ARHGEF3: variants seen among roughly 807,000 people sequenced by gnomAD.
The protein encoded by ARHGEF3 is Rho guanine nucleotide exchange factor 3.
Under a neutral mutation model 63.2 loss-of-function variants are expected in ARHGEF3, and 28 were observed. The ratio of observed to expected loss-of-function variants is 0.44; its 90% CI spans 0.33 to 0.61. The LOEUF (loss-of-function observed/expected upper bound fraction) is 0.61. Ranked by LOEUF, ARHGEF3 falls within the 20% of genes least tolerant of loss-of-function variation. The pLI, the probability that ARHGEF3 is intolerant of heterozygous loss-of-function variation, is 0.03. For missense variants in ARHGEF3, 533 were observed against 659.3 expected, an observed-to-expected ratio of 0.81 and a Z score of 2.10; for synonymous variants, 266 against 254.2, an observed-to-expected ratio of 1.05 and a Z score of -0.44.
intron 4 of ARHGEF3, among the ~76,000 whole-genome samples, chr3:56,834,256 G>A (rs951148742): frequency 2.0e-5 from 3 of 152,038 alleles, no homozygotes; most frequent in Non-Finnish European, 2.9e-5. Context: ...TTAATGTTAC[G>A]TGAATTTTAC....
chr3:56,972,659 G>A (rs567865207), intron 2 of ARHGEF3, among the ~76,000 whole-genome samples: 4 of 152,104 alleles, frequency 2.6e-5, no homozygotes, highest in East Asian at 3.9e-4. Context: ...CCTGGGGCAC[G>A]GCTGAGGGGC....
intron 2 of ARHGEF3, among the ~76,000 whole-genome samples, chr3:56,761,909 A>G (rs2035442327): frequency 6.6e-6 from 1 of 152,202 alleles, no homozygotes; most frequent in Non-Finnish European, 1.5e-5. Context: ...TTCATAGTGT[A>G]GCGGGGTACA....
chr3:57,044,338 G>A (rs13079424), intron 1 of ARHGEF3, among the ~76,000 whole-genome samples: 63,324 of 151,976 alleles, frequency 0.42, 13,624 homozygotes, highest in Non-Finnish European at 0.45. Flanking sequence ...TTGGCCATTC[G>A]AGAATCACAG....
chr3:56,987,648 C>T (rs1701594002), intron 2 of ARHGEF3, among the ~76,000 whole-genome samples: 1 of 152,068 alleles, frequency 6.6e-6, no homozygotes, highest in Admixed American at 6.6e-5. Context: ...AAGCCCAATC[C>T]TACATAAACC....
chr3:56,943,928 C>A lies in ARHGEF3; in HGVS notation c.129+14895G>T, dbSNP rs1358480813. ...GACTCCGACTCAAAAAAAAAAAAAA[C>A]CTCTTTGGAAGGCTGAGGCAGGTGG... On this transcript the variant is annotated intron_variant, in intron 3 of 12. Coordinates refer to the ARHGEF3 transcript ENST00000338458. Among the ~76,000 whole-genome samples the A allele has an allele frequency of 5.0e-5, 7 of 139,794 alleles. No individual in the cohort carries two copies. The South Asian group carries it at 1.6e-3, about 32-fold the overall frequency. The allele number at this position is 139,794 out of a possible 152,430, so 91.7% of individuals were successfully genotyped here. A position where few individuals can be genotyped will look rare whatever the true frequency, so the allele number is the denominator to read the frequency against.
In ARHGEF3 at chr3:56,855,021, A is replaced by C. The variant is rs140606847; in HGVS notation, c.192+27271T>G. Among the ~76,000 whole-genome samples the C allele has an allele frequency of 4.8e-3, 736 of 152,282 alleles. 3 individuals are homozygous for C. The highest frequency in any genetic ancestry group is 0.017 in the African/African-American group (693 of 41,558). On this transcript the variant is annotated intron_variant, in intron 4 of 12. Coordinates refer to the ARHGEF3 transcript ENST00000338458. Reference sequence around the variant, plus strand: ...GGCAGAGGTCAGAGTGGAAAAAGTCACTAGATATGGCCATGGCAAGACCTG... The same window carrying C: ...GGCAGAGGTCAGAGTGGAAAAAGTCCCTAGATATGGCCATGGCAAGACCTG...
At chr3:57,078,646 T>C (rs1298875414) in intron 1 of ARHGEF3, 1 of 152,256 alleles carries the variant, frequency 6.6e-6, no homozygotes, top group Non-Finnish European at 1.5e-5. Context: ...GTTTACAAGA[T>C]GCAGCCGCCG....
intron 4 of ARHGEF3, among the ~76,000 whole-genome samples, chr3:56,879,347 A>G (rs920803795): frequency 1.3e-5 from 2 of 152,254 alleles, no homozygotes; most frequent in South Asian, 4.1e-4. Flanking sequence ...ATATTTCTCA[A>G]CTTTAAGTCC....
At chr3:56,833,220 G>A (rs1014653762) in intron 4 of ARHGEF3, among the ~76,000 whole-genome samples, 1 of 152,006 alleles carries the variant, frequency 6.6e-6, no homozygotes, top group Admixed American at 6.6e-5. Context: ...AATGTATAAG[G>A]GTTTCAATTT....
At chr3:56,919,053 A>T (rs755393435) in intron 3 of ARHGEF3, among the ~76,000 whole-genome samples, 3 of 152,186 alleles carry the variant, frequency 2.0e-5, no homozygotes, top group Non-Finnish European at 4.4e-5. Flanking sequence ...GGGGTCAGGT[A>T]CCTGAAAGAA....
chr3:57,051,389 A>C (rs2107304165), intron 1 of ARHGEF3, among the ~76,000 whole-genome samples: 1 of 152,216 alleles, frequency 6.6e-6, no homozygotes, highest in African/African-American at 2.4e-5. Context: ...TGGGAGGCTG[A>C]GGCAGGAGAA....
intron 4 of ARHGEF3, among the ~76,000 whole-genome samples, chr3:56,810,304 G>C (rs1248610249): frequency 4.6e-5 from 7 of 152,120 alleles, no homozygotes; most frequent in Non-Finnish European, 7.4e-5. Context: ...AGCACTTTGG[G>C]AAGCTGAGGC....
At chr3:57,006,756 G>A (rs1321364111) in intron 2 of ARHGEF3, among the ~76,000 whole-genome samples, 2 of 152,016 alleles carry the variant, frequency 1.3e-5, no homozygotes, top group African/African-American at 2.4e-5. Flanking sequence ...CCCCAAACAC[G>A]GTCACACTTT....
intron 4 of ARHGEF3, among the ~76,000 whole-genome samples, chr3:56,875,192 C>T (rs1245919014): frequency 6.6e-6 from 1 of 152,102 alleles, no homozygotes; most frequent in Non-Finnish European, 1.5e-5. Flanking sequence ...AGCACAGTGC[C>T]CATCACATAG....
At chr3:57,033,913 C>T (rs750454888) in intron 2 of ARHGEF3, among the ~76,000 whole-genome samples, 4 of 151,776 alleles carry the variant, frequency 2.6e-5, no homozygotes, top group South Asian at 2.1e-4. Flanking sequence ...TGTGTGGTGG[C>T]GGACACCTGT....
chr3:57,049,911 G>A (rs941001871), intron 1 of ARHGEF3, among the ~76,000 whole-genome samples: 7 of 152,220 alleles, frequency 4.6e-5, no homozygotes, highest in African/African-American at 1.7e-4. Flanking sequence ...TTACAGATGA[G>A]GATAGTGAGG....
intron 2 of ARHGEF3, among the ~76,000 whole-genome samples, chr3:56,765,966 A>G (rs1422482601): frequency 6.6e-6 from 1 of 152,166 alleles, no homozygotes; most frequent in Non-Finnish European, 1.5e-5. Flanking sequence ...AAAGAACTGC[A>G]AAAGTATAAT....
intron 4 of ARHGEF3, among the ~76,000 whole-genome samples, chr3:56,814,523 G>A (rs1211548031): frequency 6.6e-6 from 1 of 152,136 alleles, no homozygotes; most frequent in Non-Finnish European, 1.5e-5. Flanking sequence ...TCTATAAAAT[G>A]GGGATATGAG....
At chr3:56,813,676 G>A (rs1578582068) in intron 4 of ARHGEF3, among the ~76,000 whole-genome samples, 1 of 152,122 alleles carries the variant, frequency 6.6e-6, no homozygotes, top group African/African-American at 2.4e-5. Context: ...TCAGCATTTT[G>A]CTTCAGTTTC....
Sources: gnomAD v4.1 joint callset for allele counts (sites outside exome capture counted in the v4.1 genomes callset) on GRCh38, gnomAD v4.1.1 for gene constraint, MANE v1.5 for transcripts, NCBI Gene and HGNC (gene_info 2026-07-23, HGNC 2026-07-21) for gene names.